The following FLT1 variants were observed in gnomAD, a reference collection of about 807,000 sequenced individuals.
The protein encoded by FLT1 is vascular endothelial growth factor receptor 1.
A neutral mutation model predicts 156.3 loss-of-function variants in FLT1; 49 were observed. The ratio of observed to expected loss-of-function variants is 0.31; its 90% CI spans 0.25 to 0.40. FLT1 has a LOEUF of 0.40. Ranked by LOEUF, FLT1 falls within the 10% of genes least tolerant of loss-of-function variation. The pLI, the probability that FLT1 is intolerant of heterozygous loss-of-function variation, is 1.00. For missense variants in FLT1, 1,322 were observed against 1,637.2 expected (o/e 0.81, Z 3.32); for synonymous variants, 594 against 583.8 (o/e 1.02, Z -0.25).
intron 12 of FLT1, chr13:28,396,657 C>T: frequency 2.1e-6 from 1 of 477,570 alleles, no homozygotes; most frequent in Non-Finnish European, 3.8e-6. Context: ...TGCTATGTAC[C>T]AGACCCTGTG....
chr13:28,481,306 G>A (rs1880831374), intron 1 of FLT1, among the ~76,000 whole-genome samples: 1 of 152,070 alleles, frequency 6.6e-6, no homozygotes, highest in African/African-American at 2.4e-5. Flanking sequence ...AGGAGAACAT[G>A]GCCAGCTTAG....
Position 28,456,117 on chromosome 13 carries a change from T to C in FLT1, c.388+10786A>G, listed in dbSNP as rs144011005. On this transcript the variant is annotated intron_variant, in intron 3 of 29. Transcript: ENST00000282397. ...CCTAAAATTGAGCAATCATGTTCCT[T>C]GGTATTTGCCCAAAGGACCTGAAGA... 3.6e-3 allele frequency among the ~76,000 whole-genome samples: 550 copies of C among 152,318 alleles called. 16 individuals are homozygous for C. Among genetic ancestry groups the C allele is most frequent in the Admixed American group, 0.029 (449 of 15,298 alleles).
At chr13:28,396,029 G>A (rs1875023407) in intron 12 of FLT1, among the ~76,000 whole-genome samples, 1 of 152,152 alleles carries the variant, frequency 6.6e-6, no homozygotes, top group Admixed American at 6.5e-5. Context: ...TGCTCATCTG[G>A]AAAATACAAG....
At chr13:28,404,758 G>A (rs988728971) in intron 11 of FLT1, among the ~76,000 whole-genome samples, 4 of 152,050 alleles carry the variant, frequency 2.6e-5, no homozygotes, top group African/African-American at 7.2e-5. Context: ...AGTGACTCAC[G>A]CCTGTAATCT....
intron 17 of FLT1, among the ~76,000 whole-genome samples, chr13:28,335,428 T>C (rs1872081708): frequency 6.6e-6 from 1 of 152,148 alleles, no homozygotes; most frequent in South Asian, 2.1e-4. Context: ...CCACTCCCTT[T>C]CCCCAAAGGG....
In FLT1 at chr13:28,303,441, C is replaced by G. The variant is rs899437250; in HGVS notation, c.3816-73G>C. The G allele has an allele frequency of 9.2e-6, 12 of 1,306,456 alleles. No individual in the cohort carries two copies. The Admixed American group carries it at 1.7e-4, about 19-fold the overall frequency. The allele number at this position is 1,306,456 out of a possible 1,614,324, so 80.9% of individuals were successfully genotyped here. On this transcript the variant is annotated intron_variant, in intron 29 of 29. Transcript: ENST00000282397. ...GAAAACAAAGACACTAAAATCTACT[C>G]TTTCTGAGTGGGTCATTTGTTCATA...
At chr13:28,396,905 C>T in intron 12 of FLT1, 55 bp downstream of exon 12, 1 of 1,031,926 alleles carries the variant, frequency 9.7e-7, no homozygotes, top group Non-Finnish European at 1.5e-6. Flanking sequence ...GCAAACAAGA[C>T]TGAAGAGAGA....
chr13:28,311,874 C>CACACACA, intron 26 of FLT1, 119 bp downstream of exon 26: 2 of 1,089,338 alleles, frequency 1.8e-6, no homozygotes, highest in Non-Finnish European at 2.8e-6. Context: ...CACACACACA[C>CACACACA]CCTTTTTTTA....
At chr13:28,457,933 CTTTTTTTTTTT>C (rs894090277) in intron 3 of FLT1, among the ~76,000 whole-genome samples, 1 of 114,210 alleles carries the variant, frequency 8.8e-6, no homozygotes, top group Admixed American at 1.0e-4. Flanking sequence ...CTTTCCTTTT[CTTTTTTTTTTT>C]TTTTTTTTGT....
intron 11 of FLT1, among the ~76,000 whole-genome samples, chr13:28,398,206 C>A (rs1226743462): frequency 6.6e-6 from 1 of 152,180 alleles, no homozygotes; most frequent in Admixed American, 6.5e-5. Flanking sequence ...ATCTTTGCAG[C>A]CTATGTCCTA....
At chr13:28,359,482 A>G (rs1873028748) in intron 14 of FLT1, among the ~76,000 whole-genome samples, 1 of 152,232 alleles carries the variant, frequency 6.6e-6, no homozygotes. Context: ...CTGGGAAGAG[A>G]TTTCTTGGAT....
rs558869135 is a variant in FLT1, at chr13:28,346,639, G to A, written c.2249-1088C>T. The stretch of plus-strand genomic sequence containing the variant: ...GCAGGAGGATCACTTGAGCCCAGGC[G>A]TTCCATGCTGTAGTGAGCTATGATT... On this transcript the variant is annotated intron_variant, in intron 15 of 29. Coordinates refer to ENST00000282397, the MANE Select transcript of FLT1 (RefSeq NM_002019.4). Among the ~76,000 whole-genome samples, 7 of 152,196 alleles carry A rather than the reference G, an allele frequency of 4.6e-5. No homozygotes were observed. The East Asian group carries it at 5.8e-4, about 13-fold the overall frequency.
At chr13:28,311,849 A>G in intron 26 of FLT1, 117 bp from the exon 27 acceptor site, 4 of 1,182,736 alleles carry the variant, frequency 3.4e-6, no homozygotes, top group Non-Finnish European at 5.1e-6. Flanking sequence ...TTTTGAGAAG[A>G]TAATTCTGTA....
intron 6 of FLT1, among the ~76,000 whole-genome samples, chr13:28,432,898 C>A (rs7324510): frequency 0.77 from 116,889 of 152,116 alleles, 45,068 homozygotes; most frequent in Non-Finnish European, 0.78. Flanking sequence ...TGAAACAATA[C>A]CTCTCCTAGA....
chr13:28,473,964 A>C (rs1269438042), intron 1 of FLT1, among the ~76,000 whole-genome samples: 2 of 152,282 alleles, frequency 1.3e-5, no homozygotes, highest in Middle Eastern at 3.4e-3. Flanking sequence ...ATGTGCTGCC[A>C]CATAGATGAT....
At chr13:28,377,447 A>T (rs1396232820) in intron 14 of FLT1, among the ~76,000 whole-genome samples, 1 of 144,742 alleles carries the variant, frequency 6.9e-6, no homozygotes, top group African/African-American at 2.4e-5. Context: ...CTGATTGCCC[A>T]TTTATTAATT....
At chr13:28,376,041 TAAC>T (rs1426791390) in intron 14 of FLT1, among the ~76,000 whole-genome samples, 1 of 152,226 alleles carries the variant, frequency 6.6e-6, no homozygotes, top group African/African-American at 2.4e-5. Context: ...CCCTGGGTAT[TAAC>T]AGCCTCATTC....
chr13:28,483,108 A>T (rs984673234), intron 1 of FLT1, among the ~76,000 whole-genome samples: 5 of 152,208 alleles, frequency 3.3e-5, no homozygotes, highest in Admixed American at 1.3e-4. Context: ...AGCCATAAAA[A>T]TTTTCAAAGA....
intron 15 of FLT1, among the ~76,000 whole-genome samples, chr13:28,349,888 T>C (rs1365619737): frequency 6.6e-6 from 1 of 152,270 alleles, no homozygotes; most frequent in African/African-American, 2.4e-5. Flanking sequence ...GTACTGCTTA[T>C]TGAAAAATAT....
Sources: allele counts gnomAD v4.1 joint callset (sites outside exome capture counted in the v4.1 genomes callset), GRCh38; gene constraint gnomAD v4.1.1; transcripts MANE v1.5; gene names NCBI Gene and HGNC (gene_info 2026-07-23, HGNC 2026-07-21).